The following MAGI3 variants were observed in gnomAD, a reference collection of about 807,000 sequenced individuals.
The protein encoded by MAGI3 is membrane associated guanylate kinase, WW and PDZ domain containing 3.
Under a neutral mutation model 121.8 loss-of-function variants are expected in MAGI3, and 43 were observed. The observed-to-expected ratio is 0.35, with a 90% CI of 0.28 to 0.46. MAGI3 has a LOEUF of 0.46. Among genes scored for constraint, MAGI3 ranks in the 20% least tolerant of loss-of-function variants. The pLI, the probability that MAGI3 is intolerant of heterozygous loss-of-function variation, is 1.00. For synonymous variants in MAGI3, 553 were observed against 639.3 expected (o/e 0.86, Z 2.04); for missense variants, 1,547 against 1,797.3 (o/e 0.86, Z 2.52).
chr1:113,667,099 G>A (rs1223886914), intron 16 of MAGI3, among the ~76,000 whole-genome samples: 1 of 152,120 alleles, frequency 6.6e-6, no homozygotes, highest in Non-Finnish European at 1.5e-5. Flanking sequence ...ATTCTTAAGG[G>A]CCCTAAGATT....
chr1:113,667,853 A>C (rs12119076), intron 16 of MAGI3, among the ~76,000 whole-genome samples: 35,796 of 152,078 alleles, frequency 0.24, 4,487 homozygotes, highest in Non-Finnish European at 0.28. Context: ...CATCTCAGGG[A>C]ATAGAGGGGC....
At chr1:113,649,606 A>G (rs192050392) in intron 13 of MAGI3, among the ~76,000 whole-genome samples, 11 of 152,338 alleles carry the variant, frequency 7.2e-5, no homozygotes, top group Admixed American at 7.2e-4. Flanking sequence ...TTTTAAGTTT[A>G]TATTTTCCTT....
chr1:113,596,049 CTAAT>C (rs1648984128), intron 6 of MAGI3, among the ~76,000 whole-genome samples: 1 of 123,208 alleles, frequency 8.1e-6, no homozygotes, highest in Non-Finnish European at 1.8e-5. Flanking sequence ...AATACTAATA[CTAAT>C]ACTAATAATA....
At chr1:113,645,592 T>G (rs1652789152) in intron 11 of MAGI3, among the ~76,000 whole-genome samples, 1 of 152,172 alleles carries the variant, frequency 6.6e-6, no homozygotes. Flanking sequence ...GGTAGGAGAC[T>G]ACTGTTAGCT....
At chr1:113,443,016 G>A (rs944820604) in intron 1 of MAGI3, among the ~76,000 whole-genome samples, 4 of 152,082 alleles carry the variant, frequency 2.6e-5, no homozygotes, top group African/African-American at 9.7e-5. Flanking sequence ...TCATCACTAT[G>A]TTGTGGACAT....
At chr1:113,514,718 A>G (rs1657800345) in intron 1 of MAGI3, among the ~76,000 whole-genome samples, 1 of 152,140 alleles carries the variant, frequency 6.6e-6, no homozygotes, top group Admixed American at 6.6e-5. Flanking sequence ...TGGCACATGT[A>G]TACATATAGT....
intron 1 of MAGI3, among the ~76,000 whole-genome samples, chr1:113,528,294 CTTTTT>C (rs60603067): frequency 7.2e-6 from 1 of 138,194 alleles, no homozygotes; most frequent in African/African-American, 2.6e-5. Context: ...CTCCCCCAAC[CTTTTT>C]TTTTTTTTTT....
chr1:113,451,939 A>G (rs1048018795), intron 1 of MAGI3, among the ~76,000 whole-genome samples: 1 of 152,178 alleles, frequency 6.6e-6, no homozygotes, highest in Non-Finnish European at 1.5e-5. Context: ...TGGATGGATA[A>G]TAAACGTTTC....
At chr1:113,522,151 A>G (rs369965823) in intron 1 of MAGI3, among the ~76,000 whole-genome samples, 49 of 152,340 alleles carry the variant, frequency 3.2e-4, no homozygotes, top group African/African-American at 1.1e-3. Flanking sequence ...TCTGTCACCC[A>G]GGCAAGTGCA....
chr1:113,635,967 G>A (rs1446534164), intron 9 of MAGI3, among the ~76,000 whole-genome samples: 1 of 152,178 alleles, frequency 6.6e-6, no homozygotes, highest in Non-Finnish European at 1.5e-5. Flanking sequence ...GGGTGTATGT[G>A]TCGAGGAATG....
intron 2 of MAGI3, chr1:113,576,689 C>T (rs1647670006): frequency 1.3e-5 from 2 of 152,174 alleles, no homozygotes; most frequent in African/African-American, 4.8e-5. Flanking sequence ...CACTTCACAA[C>T]AGAGGAAATC....
chr1:113,436,128 ATAT>A (rs2101437475), intron 1 of MAGI3, among the ~76,000 whole-genome samples: 1 of 152,262 alleles, frequency 6.6e-6, no homozygotes, highest in Admixed American at 6.5e-5. Flanking sequence ...GAATTATAAC[ATAT>A]TATAAATTAT....
At chr1:113,649,350 C>T (rs371026963) in intron 13 of MAGI3, 22 bp downstream of exon 13, 151 of 1,548,222 alleles carry the variant, frequency 9.8e-5, no homozygotes, top group Non-Finnish European at 1.3e-4. Flanking sequence ...TTCTTTGGAA[C>T]ATGGCTGTTT....
intron 1 of MAGI3, among the ~76,000 whole-genome samples, chr1:113,416,386 A>G (rs1652407231): frequency 9.0e-6 from 1 of 111,454 alleles, no homozygotes; most frequent in Non-Finnish European, 1.7e-5. Flanking sequence ...TATTAATAAT[A>G]TATATTAATT....
chr1:113,493,976 A>G (rs1557787028), intron 1 of MAGI3, among the ~76,000 whole-genome samples: 1 of 152,182 alleles, frequency 6.6e-6, no homozygotes, highest in Non-Finnish European at 1.5e-5. Context: ...TTCCTCAGAG[A>G]CCTAAAAACA....
chr1:113,437,169 C>G (rs150656402), intron 1 of MAGI3, among the ~76,000 whole-genome samples: 34 of 152,038 alleles, frequency 2.2e-4, no homozygotes, highest in African/African-American at 6.7e-4. Flanking sequence ...CACTCCCATG[C>G]TTAGCCTAGT....
At chr1:113,488,586 G>C (rs1395247244) in intron 1 of MAGI3, among the ~76,000 whole-genome samples, 1 of 152,200 alleles carries the variant, frequency 6.6e-6, no homozygotes, top group Non-Finnish European at 1.5e-5. Flanking sequence ...CCCTCCCTAT[G>C]TTGCAGTTTC....
chr1:113,535,403 C>G (rs934242472), intron 1 of MAGI3, among the ~76,000 whole-genome samples: 13 of 151,944 alleles, frequency 8.6e-5, no homozygotes, highest in Admixed American at 5.9e-4. Context: ...TTTGCATACA[C>G]ATATAAGAAA....
At chr1:113,399,661 A>G (rs1399124876) in intron 1 of MAGI3, among the ~76,000 whole-genome samples, 1 of 151,952 alleles carries the variant, frequency 6.6e-6, no homozygotes, top group Admixed American at 6.6e-5. Context: ...AATGTGCACA[A>G]TTTAAAAGTA....
Sources: allele counts gnomAD v4.1 joint callset (sites outside exome capture counted in the v4.1 genomes callset), GRCh38; gene constraint gnomAD v4.1.1; transcripts MANE v1.5; gene names NCBI Gene and HGNC (gene_info 2026-07-23, HGNC 2026-07-21).